Variants in PGLYRP2 observed in about 807,000 individuals in gnomAD.
The protein encoded by PGLYRP2 is peptidoglycan recognition protein 2.
In PGLYRP2, 38 loss-of-function variants were observed where a neutral mutation model predicts 46.2. The ratio of observed to expected loss-of-function variants is 0.82; its 90% CI spans 0.64 to 1.08. PGLYRP2 has a LOEUF of 1.08. PGLYRP2 is among the 50% of genes least tolerant of loss of function. The pLI is 0.00. For missense variants in PGLYRP2, 713 were observed against 755.9 expected (o/e 0.94, Z 0.67); for synonymous variants, 289 against 329.4 (o/e 0.88, Z 1.33).
rs772638282 is a variant in PGLYRP2 at position 15,469,861 on chromosome 19, A to G, written c.1412T>C (p.Leu471Pro). 6.6e-7 allele frequency: 1 copy of G among 1,507,194 alleles called. No homozygotes were observed. The highest frequency in any genetic ancestry group is 2.2e-5 in the Admixed American group (1 of 44,618). 93.4% of individuals were successfully genotyped at this position (1,507,194 alleles called of 1,614,324 possible). Residue 471 changes from leucine (L) to proline (P), a missense_variant, in exon 4 of 5, where the codon CTC becomes CCC. By Grantham distance (98) the Leu-to-Pro change is moderately conservative. Transcript: ENST00000340880. The surrounding 1 kb of genome is among the most constrained non-coding windows in gnomAD (Gnocchi z 4.9). ...RGWHWVGAHT[L>P]GHNSRGFGVA... ...GCCGAAGCCCCGGGAGTTGTGGCCG[A>G]GCGTGTGGGCGCCCACCCAGTGCCA...
rs568666793 is a variant in PGLYRP2, at chr19:15,479,363, C to T, written c.9G>A (p.Gln3=). The T allele has an allele frequency of 7.1e-5, 114 of 1,614,020 alleles. No homozygotes were observed. In the South Asian group the frequency reaches 1.2e-3, roughly 17 times the overall value. Residue 3 remains glutamine, a synonymous_variant, in exon 1 of 5, where the codon CAG becomes CAA. Coordinates refer to ENST00000340880, the MANE Select transcript of PGLYRP2 (RefSeq NM_052890.4). ...ATCCGAGTAGGATCCAGAGGACACC[C>T]TGGGCCATTGTTGCAGGATTCCAGC... is the stretch of plus-strand genomic sequence containing the variant. MA[Q]GVLWILLGLL...
At position 15,477,789 on chromosome 19, in the gene PGLYRP2, T is replaced by G. The variant is rs140250770; in HGVS notation, c.62-1181A>C. ...CAGGGGGAAGAGCAGGATGGGCTTG[T>G]GCCATGTTGGGGAAATGTCAGTGGC... On this transcript the variant is annotated intron_variant, in intron 1 of 4. Transcript: ENST00000340880. Among the ~76,000 whole-genome samples, 187 of 151,652 alleles carry G rather than the reference T, an allele frequency of 1.2e-3. 1 individual carries two copies. The Middle Eastern group carries it at 0.017, about 14-fold the overall frequency.
At chr19:15,478,394 C>T (rs1970816802) in intron 1 of PGLYRP2, among the ~76,000 whole-genome samples, 1 of 152,170 alleles carries the variant, frequency 6.6e-6, no homozygotes, top group Non-Finnish European at 1.5e-5. Context: ...GTTCTAGAGG[C>T]TGGGAAGTCC....
rs1051753546 is a variant in PGLYRP2, at chr19:15,471,997, G to C, written c.1236C>G (p.Thr412=). Residue 412 remains threonine, a synonymous_variant, in exon 3 of 5, where the codon ACC becomes ACG. Transcript: ENST00000340880. The part of the protein sequence containing the change: ...LPLGFLYVHH[T]YVPAPPCTDF... The stretch of plus-strand genomic sequence containing the variant: ...CCGTGCAGGGTGGTGCAGGCACGTA[G>C]GTGTGATGCACGTACAAGAATCCCA... 6.2e-7 allele frequency: 1 copy of C among 1,613,890 alleles called. No individual in the cohort carries two copies. The highest frequency in any genetic ancestry group is 1.7e-5 in the Admixed American group (1 of 60,030).
chr19:15,474,318 CAA>C (rs1377545782), intron 2 of PGLYRP2, among the ~76,000 whole-genome samples: 1 of 151,854 alleles, frequency 6.6e-6, no homozygotes, highest in African/African-American at 2.4e-5. Context: ...GCCTGGGAGA[CAA>C]GAGTGAAACT....
In PGLYRP2 at chr19:15,475,813, A is replaced by C; in HGVS notation, c.857T>G (p.Leu286Arg). 1 of 1,614,092 alleles carries C rather than the reference A, an allele frequency of 6.2e-7. No individual in the cohort carries two copies. Among genetic ancestry groups the C allele is most frequent in the Non-Finnish European group, 8.5e-7 (1 of 1,180,018 alleles). Residue 286 changes from leucine (L) to arginine (R), a missense_variant, in exon 2 of 5, where the codon CTG becomes CGG. By Grantham distance (102) the Leu-to-Arg change is moderately radical. Transcript: ENST00000340880. ...ALDGVILGDY[L>R]SRTPEPRPSL... Reference sequence around the variant, plus strand: ...TGGCCGGGGCTCAGGAGTCCGGCTCAGGTAGTCTCCAAGGATGACCCCATC... The same window carrying C: ...TGGCCGGGGCTCAGGAGTCCGGCTCCGGTAGTCTCCAAGGATGACCCCATC...
chr19:15,476,541 A>G lies in PGLYRP2; in HGVS notation c.129T>C (p.Ala43=), dbSNP rs763397422. 64 of 1,613,652 alleles carry G rather than the reference A, an allele frequency of 4.0e-5. No individual in the cohort carries two copies. Among genetic ancestry groups the G allele is most frequent in the Non-Finnish European group, 5.3e-5 (62 of 1,179,864 alleles). ...CAGAAGCTGTGTGTCTGGTCTTGGC[A>G]GCTGGCACTTTCTGCTCCAGCTCAG... ...ALAELEQKVP[A]AKTRHTASAW... Residue 43 remains alanine, a synonymous_variant, in exon 2 of 5, where the codon GCT becomes GCC. Transcript: ENST00000340880.
At chr19:15,477,837 TAA>T (rs1384233104) in intron 1 of PGLYRP2, among the ~76,000 whole-genome samples, 5 of 152,178 alleles carry the variant, frequency 3.3e-5, no homozygotes, top group Non-Finnish European at 7.3e-5. Flanking sequence ...CTAGAAATGC[TAA>T]GTTAGGCTCA....
chr19:15,471,679 C>T (rs1970750355), intron 3 of PGLYRP2, among the ~76,000 whole-genome samples: 1 of 152,182 alleles, frequency 6.6e-6, no homozygotes. Context: ...TGACTGGAGT[C>T]CCATGATTTA....
rs776481706 is a variant in PGLYRP2 at position 15,475,546 on chromosome 19, G to C, written c.1124C>G (p.Ala375Gly). 4.4e-5 allele frequency: 70 copies of C among 1,596,146 alleles called. No individual in the cohort carries two copies. Among genetic ancestry groups the C allele is most frequent in the Non-Finnish European group, 5.6e-5 (66 of 1,169,342 alleles). Residue 375 changes from alanine (A) to glycine (G), a missense_variant, in exon 2 of 5, where the codon GCC becomes GGC. Physicochemically the swap from Ala to Gly is moderately conservative, Grantham distance 60 (BLOSUM62 0). Coordinates refer to ENST00000340880, the MANE Select transcript of PGLYRP2 (RefSeq NM_052890.4). ...GTGGGGAACTTCCTCACCCAGGAAG[G>C]CCTCAGTGAATTCCTTGGTAGCATT... ...AANATKEFTE[A>G]FLGCPAIHPR...
In PGLYRP2 at chr19:15,476,140, G is replaced by A. The variant is rs1414334830; in HGVS notation, c.530C>T (p.Ser177Phe). 8 of 1,614,076 alleles carry A rather than the reference G, an allele frequency of 5.0e-6. No homozygotes were observed. The highest frequency in any genetic ancestry group is 2.2e-5 in the South Asian group (2 of 91,084). Residue 177 changes from serine (S) to phenylalanine (F), a missense_variant, in exon 2 of 5, where the codon TCT becomes TTT. Physicochemically the swap from Ser to Phe is radical, Grantham distance 155 (BLOSUM62 -2). Coordinates refer to ENST00000340880, the MANE Select transcript of PGLYRP2 (RefSeq NM_052890.4). Reference sequence around the variant, plus strand: ...AATATCTGCAGTGGTGACATCTGGAGAGCCATCCCTGAGTCCTGGGGAGGA... The same window carrying A: ...AATATCTGCAGTGGTGACATCTGGAAAGCCATCCCTGAGTCCTGGGGAGGA... ...ATSSPGLRDG[S>F]PDVTTADIGA...
chr19:15,471,103 C>G (rs925232944), intron 3 of PGLYRP2, among the ~76,000 whole-genome samples: 1 of 79,426 alleles, frequency 1.3e-5, no homozygotes, highest in Non-Finnish European at 2.3e-5. Context: ...CCATGCCCAG[C>G]TTTTTTTTTT....
intron 1 of PGLYRP2, among the ~76,000 whole-genome samples, chr19:15,478,140 A>G (rs1970814575): frequency 1.3e-5 from 2 of 152,168 alleles, no homozygotes; most frequent in South Asian, 4.1e-4. Flanking sequence ...TGAGGTCAGG[A>G]GTTTGAGACC....
chr19:15,471,735 G>A (rs1970750862), intron 3 of PGLYRP2, among the ~76,000 whole-genome samples, 155 bp downstream of exon 3: 1 of 152,038 alleles, frequency 6.6e-6, no homozygotes, highest in Non-Finnish European at 1.5e-5. Flanking sequence ...CCTAAGCCAC[G>A]CCACCTCTCC....
In PGLYRP2 at chr19:15,472,014, A is replaced by G; in HGVS notation, c.1219T>C (p.Leu407=). 1 of 1,613,516 alleles carries G rather than the reference A, an allele frequency of 6.2e-7. No homozygotes were observed. The highest frequency in any genetic ancestry group is 8.5e-7 in the Non-Finnish European group (1 of 1,179,966). Residue 407 remains leucine, a synonymous_variant, in exon 3 of 5, where the codon TTG becomes CTG. Coordinates refer to ENST00000340880, the MANE Select transcript of PGLYRP2 (RefSeq NM_052890.4). The part of the protein sequence containing the change: ...PKLLQLPLGF[L]YVHHTYVPAP... Reference sequence around the variant, plus strand: ...GGCACGTAGGTGTGATGCACGTACAAGAATCCCAGCGGCAGCTGCAGCAGC... The same window carrying G: ...GGCACGTAGGTGTGATGCACGTACAGGAATCCCAGCGGCAGCTGCAGCAGC...
Position 15,469,655 on chromosome 19 carries a change from G to A in PGLYRP2, c.1618C>T (p.Arg540Cys), listed in dbSNP as rs756780950. 1 of 1,564,082 alleles carries A rather than the reference G, an allele frequency of 6.4e-7. No homozygotes were observed. The highest frequency in any genetic ancestry group is 8.6e-7 in the Non-Finnish European group (1 of 1,159,384). ...ACCGCGGTGAAGTGCGGCCAGGTGC[G>A]CAGCAGGTCGAAGAGCGCGTCGCCG... is the stretch of plus-strand genomic sequence containing the variant. ...CPGDALFDLL[R>C]TWPHFTATVK... The change falls in exon 4 of 5, where the codon CGC becomes TGC. Residue 540 changes from arginine (R) to cysteine (C), a missense_variant. Arg to Cys is a radical substitution (Grantham distance 180). Transcript: ENST00000340880. This position sits in a 1 kb window ranked among gnomAD's most constrained non-coding sequence, Gnocchi z 4.9.
At position 15,471,997 on chromosome 19, in the gene PGLYRP2, G is replaced by A; in HGVS notation, c.1236C>T (p.Thr412=). The A allele has an allele frequency of 6.2e-7, 1 of 1,613,890 alleles. No individual in the cohort carries two copies. Among genetic ancestry groups the A allele is most frequent in the African/African-American group, 1.3e-5 (1 of 75,068 alleles). ...LPLGFLYVHH[T]YVPAPPCTDF... is the part of the protein sequence containing the mutation. ...CCGTGCAGGGTGGTGCAGGCACGTA[G>A]GTGTGATGCACGTACAAGAATCCCA... Residue 412 remains threonine (T), a synonymous_variant, in exon 3 of 5, where the codon ACC becomes ACT. Transcript: ENST00000340880.
At chr19:15,477,820 T>G (rs1462280043) in intron 1 of PGLYRP2, among the ~76,000 whole-genome samples, 1 of 152,214 alleles carries the variant, frequency 6.6e-6, no homozygotes, top group Non-Finnish European at 1.5e-5. Flanking sequence ...GTGGCTGAAC[T>G]GCAAACCTAG....
chr19:15,473,209 C>T (rs980326223), intron 2 of PGLYRP2, among the ~76,000 whole-genome samples: 1 of 152,000 alleles, frequency 6.6e-6, no homozygotes, highest in Admixed American at 6.6e-5. Flanking sequence ...CTAGCTCACG[C>T]CTGTAATCCC....
Sources: gnomAD v4.1 joint callset for allele counts (sites outside exome capture counted in the v4.1 genomes callset) on GRCh38, gnomAD v4.1.1 for gene constraint, Gnocchi (gnomAD v3.1) non-coding constraint, MANE v1.5 for transcripts, NCBI Gene and HGNC (gene_info 2026-07-23, HGNC 2026-07-21) for gene names.